Variants in ZNF214 observed in about 807,000 individuals in gnomAD.
ZNF214 encodes zinc finger protein 214.
A neutral mutation model predicts 53.9 loss-of-function variants in ZNF214; 43 were observed. The observed-to-expected ratio is 0.80, with a 90% CI of 0.63 to 1.03. The LOEUF is 1.03. Among genes scored for constraint, ZNF214 ranks in the 50% least tolerant of loss-of-function variants. ZNF214 has a pLI of 0.00. For synonymous variants in ZNF214, 217 were observed against 229.5 expected, an observed-to-expected ratio of 0.95 and a Z score of 0.49; for missense variants, 724 against 719.1, an observed-to-expected ratio of 1.01 and a Z score of -0.08.
chr11:7,004,350 T>C (rs1436349980), intron 1 of ZNF214, among the ~76,000 whole-genome samples: 3 of 151,448 alleles, frequency 2.0e-5, no homozygotes, highest in African/African-American at 7.3e-5. Flanking sequence ...AATAAAGACA[T>C]GATAATTCTG....
chr11:7,011,406 C>T (rs1355202274), intron 1 of ZNF214, among the ~76,000 whole-genome samples: 1 of 151,920 alleles, frequency 6.6e-6, no homozygotes, highest in Non-Finnish European at 1.5e-5. Context: ...TATTAATAGA[C>T]TATAGAATAA....
At chr11:7,017,632 G>A (rs61879019) in intron 1 of ZNF214, among the ~76,000 whole-genome samples, 22,996 of 151,868 alleles carry the variant, frequency 0.15, 2,153 homozygotes, top group Non-Finnish European at 0.21. Context: ...CCAGCTATTC[G>A]GGAGGCTGAG....
In ZNF214 at chr11:7,000,278, G is replaced by C. The variant is rs762619055; in HGVS notation, c.1405C>G (p.Pro469Ala). 1 of 1,613,294 alleles carries C rather than the reference G, an allele frequency of 6.2e-7. No homozygotes were observed. Among genetic ancestry groups the C allele is most frequent in the Non-Finnish European group, 8.5e-7 (1 of 1,179,584 alleles). Reference sequence around the variant, plus strand: ...TTCCCACATTCAGGACAAGTATAGGGTTTCTCCCCTGTATGGACTCTCTGA... The same window carrying C: ...TTCCCACATTCAGGACAAGTATAGGCTTTCTCCCCTGTATGGACTCTCTGA... ...IHQRVHTGEK[P>A]YTCPECGKGF... Residue 469 changes from proline (P) to alanine (A), a missense_variant, in exon 3 of 3, where the codon CCC (proline) becomes GCC (alanine). Transcript: ENST00000278314.
chr11:7,019,634 C>T (rs2119515223), intron 1 of ZNF214: 1 of 152,298 alleles, frequency 6.6e-6, no homozygotes, highest in South Asian at 2.1e-4. Context: ...ACTTGTAGAA[C>T]TTTAAAGAGG....
intron 1 of ZNF214, among the ~76,000 whole-genome samples, chr11:7,004,844 A>G (rs1851437766): frequency 6.6e-6 from 1 of 152,134 alleles, no homozygotes. Context: ...CTGCAACTTC[A>G]TGAGACACCT....
At chr11:7,003,706 A>G (rs1023459831) in intron 1 of ZNF214, among the ~76,000 whole-genome samples, 3 of 151,976 alleles carry the variant, frequency 2.0e-5, no homozygotes, top group Non-Finnish European at 4.4e-5. Flanking sequence ...GTGTTAATGA[A>G]GAAGGGCAAA....
intron 2 of ZNF214, 30 bp downstream of exon 2, chr11:7,002,677 ACT>A (rs1348538132): frequency 6.5e-7 from 1 of 1,540,820 alleles, no homozygotes; most frequent in Non-Finnish European, 8.7e-7. Context: ...CCTAGAAGAA[ACT>A]CTATTCCCTA....
At chr11:7,019,389 GATT>G (rs1303710652) in intron 1 of ZNF214, among the ~76,000 whole-genome samples, 1 of 152,196 alleles carries the variant, frequency 6.6e-6, no homozygotes, top group East Asian at 1.9e-4. Context: ...TATTTATTGA[GATT>G]ATTATTACTA....
chr11:6,999,301 C>G lies in ZNF214; in HGVS notation c.*561G>C, dbSNP rs1374272121. 6.5e-6 allele frequency: 1 copy of G among 152,738 alleles called. No homozygotes were observed. Among genetic ancestry groups the G allele is most frequent in the Non-Finnish European group, 1.5e-5 (1 of 68,578 alleles). The allele number at this position is 152,738 out of a possible 1,614,324, so 9.5% of individuals were successfully genotyped here. A position where few individuals can be genotyped will look rare whatever the true frequency, so the allele number is the denominator to read the frequency against. ...AGATAACAACTCAGATACACTGTCT[C>G]AGACACAATGTCATACAATGCTTTC... On this transcript the variant is annotated 3_prime_UTR_variant, in exon 3 of 3. Transcript: ENST00000278314.
chr11:7,013,715 C>T (rs1028544420), intron 1 of ZNF214, among the ~76,000 whole-genome samples: 5 of 152,122 alleles, frequency 3.3e-5, no homozygotes, highest in African/African-American at 1.2e-4. Context: ...ACTTTGTCAC[C>T]CCCACGACCT....
intron 1 of ZNF214, among the ~76,000 whole-genome samples, chr11:7,014,398 C>T (rs1446199450): frequency 6.6e-6 from 1 of 152,154 alleles, no homozygotes; most frequent in Non-Finnish European, 1.5e-5. Context: ...TGAAATAGTA[C>T]ACAGCTGTGA....
At position 7,002,828 on chromosome 11, in the gene ZNF214, A is replaced by C. The variant is rs748332630; in HGVS notation, c.8T>G (p.Val3Gly). MAVTFEDVTIIFT... is the reference protein window; with the variant it reads MAGTFEDVTIIFT... ...AATAATAGTCACATCTTCAAATGTTACTGCCATCTGGTCAAAGATCAGGCT... is the reference window on the plus strand; with the variant it reads ...AATAATAGTCACATCTTCAAATGTTCCTGCCATCTGGTCAAAGATCAGGCT... The change falls in exon 2 of 3, where the codon GTA becomes GGA. Residue 3 changes from valine (V) to glycine (G), a missense_variant. Coordinates refer to ENST00000278314, the MANE Select transcript of ZNF214 (RefSeq NM_013249.4). The C allele has an allele frequency of 6.3e-7, 1 of 1,598,186 alleles. No individual in the cohort carries two copies. Among genetic ancestry groups the C allele is most frequent in the Admixed American group, 1.8e-5 (1 of 56,856 alleles).
Position 7,000,535 on chromosome 11 carries a change from T to A in ZNF214, c.1148A>T (p.Glu383Val). ...ACACTCATCACACTTATATGGTTTT[T>A]CTCCTGTGTGGACTCTCTGATGAAC... ...LHVHQRVHTG[E>V]KPYKCDECGK... Residue 383 changes from glutamate to valine, a missense_variant, in exon 3 of 3, where the codon GAA becomes GTA. Physicochemically the swap from Glu to Val is moderately radical, Grantham distance 121. Coordinates refer to ENST00000278314, the MANE Select transcript of ZNF214 (RefSeq NM_013249.4). The A allele has an allele frequency of 6.2e-7, 1 of 1,612,262 alleles. No individual in the cohort carries two copies. The highest frequency in any genetic ancestry group is 8.5e-7 in the Non-Finnish European group (1 of 1,179,158).
intron 1 of ZNF214, among the ~76,000 whole-genome samples, chr11:7,017,567 T>A (rs11041140): frequency 0.58 from 87,932 of 151,926 alleles, 26,432 homozygotes; most frequent in East Asian, 0.74. Context: ...TGAAACCCCA[T>A]CTCTACTAAA....
chr11:7,011,341 T>G (rs10839682), intron 1 of ZNF214, among the ~76,000 whole-genome samples: 93,164 of 151,788 alleles, frequency 0.61, 29,843 homozygotes, highest in East Asian at 0.86. Context: ...GACAGTTTAT[T>G]ATAGGAATGC....
intron 2 of ZNF214, 64 bp downstream of exon 2, chr11:7,002,644 AC>A: frequency 6.8e-7 from 1 of 1,465,128 alleles, no homozygotes; most frequent in Non-Finnish European, 9.0e-7. Context: ...AGATAAAAAA[AC>A]AAAATACTCA....
At chr11:7,005,077 G>T (rs1037375619) in intron 1 of ZNF214, among the ~76,000 whole-genome samples, 11 of 151,916 alleles carry the variant, frequency 7.2e-5, no homozygotes, top group Non-Finnish European at 1.3e-4. Flanking sequence ...TATAGCAAAA[G>T]AATTCTCTTA....
At chr11:7,002,441 A>T (rs1451516762) in intron 2 of ZNF214, among the ~76,000 whole-genome samples, 1 of 152,048 alleles carries the variant, frequency 6.6e-6, no homozygotes, top group Non-Finnish European at 1.5e-5. Flanking sequence ...ATTTAGGACC[A>T]CACAAAATTG....
chr11:7,004,186 A>G (rs745453477), intron 1 of ZNF214, among the ~76,000 whole-genome samples: 8 of 152,014 alleles, frequency 5.3e-5, no homozygotes, highest in Non-Finnish European at 8.8e-5. Context: ...AAGTTCATAA[A>G]TATTTAAAAT....
Sources: gnomAD v4.1 joint callset for allele counts (sites outside exome capture counted in the v4.1 genomes callset) on GRCh38, gnomAD v4.1.1 for gene constraint, MANE v1.5 for transcripts, NCBI Gene and HGNC (gene_info 2026-07-23, HGNC 2026-07-21) for gene names.